The following AP1B1 variants were observed in gnomAD, a reference collection of about 807,000 sequenced individuals.
The protein encoded by AP1B1 is adaptor related protein complex 1 subunit beta 1.
AP1B1 carries 36 observed loss-of-function variants against 104.3 expected under a neutral mutation model. The observed-to-expected ratio is 0.35, with a 90% CI of 0.26 to 0.46. AP1B1 has a LOEUF of 0.46. Ranked by LOEUF, AP1B1 falls within the 20% of genes least tolerant of loss-of-function variation. The probability of loss-of-function intolerance (pLI) is 1.00; values close to 1 mark genes in which losing one functional copy is unlikely to be tolerated. For missense variants in AP1B1, 901 were observed against 1,247.9 expected, an observed-to-expected ratio of 0.72 and a Z score of 4.19; for synonymous variants, 504 against 517.5, an observed-to-expected ratio of 0.97 and a Z score of 0.35.
At chr22:29,385,466 G>A (rs1193390046) in intron 1 of AP1B1, among the ~76,000 whole-genome samples, 1 of 152,166 alleles carries the variant, frequency 6.6e-6, no homozygotes, top group Non-Finnish European at 1.5e-5. Flanking sequence ...TGAGTGTGGA[G>A]CAGGAGAGAT....
intron 3 of AP1B1, among the ~76,000 whole-genome samples, chr22:29,362,014 G>A (rs2062055130): frequency 6.6e-6 from 1 of 152,124 alleles, no homozygotes; most frequent in Non-Finnish European, 1.5e-5. Flanking sequence ...GGCTGGTCTT[G>A]AACTCCTGAC....
chr22:29,331,380 A>C (rs1602681905), intron 19 of AP1B1, 69 bp downstream of exon 19: 1 of 1,481,888 alleles, frequency 6.7e-7, no homozygotes. Context: ...TGGTAAAGGC[A>C]CCACCTTGGC....
At chr22:29,350,635 C>T (rs2061859530) in intron 9 of AP1B1, among the ~76,000 whole-genome samples, 1 of 152,056 alleles carries the variant, frequency 6.6e-6, no homozygotes, top group African/African-American at 2.4e-5. Flanking sequence ...GGGGATAGGT[C>T]GGGGGCGACC....
In AP1B1 at chr22:29,334,326, G is replaced by A. The variant is rs2061605923; in HGVS notation, c.2248C>T (p.Gln750Ter). ...ACCTGCAAGGCCTTGTTGGTCAGCT[G>A]CAGGTCCATGGAGATGGAGCCCACC... The part of the protein sequence containing the change: ...RQVGSISMDL[Q>*]LTNKALQVMT... The change falls in exon 17 of 23, where the codon CAG (glutamine) becomes TAG (stop). Residue 750 changes from glutamine to a stop codon, truncating the protein, a stop_gained. Transcript: ENST00000357586. LOFTEE classifies it high-confidence loss of function. The A allele has an allele frequency of 6.2e-7, 1 of 1,611,570 alleles. No individual in the cohort carries two copies. Among genetic ancestry groups the A allele is most frequent in the South Asian group, 1.1e-5 (1 of 90,786 alleles).
intron 7 of AP1B1, among the ~76,000 whole-genome samples, chr22:29,352,150 G>A (rs938499661): frequency 6.6e-6 from 1 of 152,178 alleles, no homozygotes; most frequent in Non-Finnish European, 1.5e-5. Context: ...GTCCCAGCCT[G>A]TGACCTCAGG....
intron 14 of AP1B1, among the ~76,000 whole-genome samples, chr22:29,340,012 C>T (rs2147952823): frequency 6.6e-6 from 1 of 152,244 alleles, no homozygotes; most frequent in East Asian, 1.9e-4. Context: ...CTTCCTGCCT[C>T]ACCCTAGCAG....
Position 29,342,411 on chromosome 22 carries a change from A to G in AP1B1, c.1438-28T>C, listed in dbSNP as rs192273339. The G allele has an allele frequency of 7.6e-6, 12 of 1,586,394 alleles. No homozygotes were observed. In the East Asian group the frequency reaches 2.0e-4, roughly 27 times the overall value. ...GCAGGGAACAGCGGTGACGAGGAGGAAGTGTGGGCCTCACATGGGGATAGA... is the reference window on the plus strand; with the variant it reads ...GCAGGGAACAGCGGTGACGAGGAGGGAGTGTGGGCCTCACATGGGGATAGA... On this transcript the variant is annotated intron_variant, in intron 11 of 22. Coordinates refer to ENST00000357586, the MANE Select transcript of AP1B1 (RefSeq NM_001127.4).
At chr22:29,337,749 C>T (rs113875251) in intron 16 of AP1B1, among the ~76,000 whole-genome samples, 109 of 152,276 alleles carry the variant, frequency 7.2e-4, no homozygotes, top group African/African-American at 2.5e-3. Flanking sequence ...CCCTCAGCCC[C>T]GGCTCCTCCC....
intron 14 of AP1B1, among the ~76,000 whole-genome samples, chr22:29,340,206 C>T (rs2061693869): frequency 2.6e-5 from 4 of 152,318 alleles, no homozygotes; most frequent in Admixed American, 6.5e-5. Context: ...CCTCTCTCCC[C>T]GGCCTCCCAT....
At chr22:29,335,159 T>G (rs1237325588) in intron 16 of AP1B1, among the ~76,000 whole-genome samples, 1 of 152,070 alleles carries the variant, frequency 6.6e-6, no homozygotes, top group Non-Finnish European at 1.5e-5. Flanking sequence ...GTGAAACCAG[T>G]GTTTGGGGAG....
intron 9 of AP1B1, among the ~76,000 whole-genome samples, chr22:29,350,737 C>T (rs111585035): frequency 0.016 from 2,425 of 152,208 alleles, 52 homozygotes; most frequent in African/African-American, 0.055. Flanking sequence ...AGAGAAAGGA[C>T]GGGGATAAAA....
At chr22:29,351,118 G>T (rs570957160) in intron 9 of AP1B1, 53 bp downstream of exon 9, 1 of 1,533,286 alleles carries the variant, frequency 6.5e-7, no homozygotes, top group East Asian at 2.3e-5. Context: ...CTGGTTTCCC[G>T]GTTTCAGCCC....
intron 1 of AP1B1, among the ~76,000 whole-genome samples, chr22:29,379,572 C>T (rs1034072527): frequency 2.0e-5 from 3 of 152,172 alleles, no homozygotes; most frequent in African/African-American, 7.2e-5. Flanking sequence ...ACACAGTAAA[C>T]AAAGGACAGT....
At chr22:29,379,402 C>T (rs143483042) in intron 1 of AP1B1, among the ~76,000 whole-genome samples, 10 of 152,190 alleles carry the variant, frequency 6.6e-5, no homozygotes, top group Admixed American at 1.3e-4. Flanking sequence ...TTAAATTAAT[C>T]GAGATGAGGA....
At chr22:29,377,897 C>A (rs537597202) in intron 1 of AP1B1, among the ~76,000 whole-genome samples, 1 of 151,808 alleles carries the variant, frequency 6.6e-6, no homozygotes, top group East Asian at 1.9e-4. Context: ...AACTGAAGTA[C>A]CAGGGAGGTC....
chr22:29,382,191 C>A (rs1156907223), intron 1 of AP1B1, among the ~76,000 whole-genome samples: 2 of 151,966 alleles, frequency 1.3e-5, no homozygotes. Context: ...GTAGCTGGGA[C>A]TACAGGCGTG....
At chr22:29,341,223 A>C (rs1212246109) in intron 13 of AP1B1, among the ~76,000 whole-genome samples, 2 of 152,250 alleles carry the variant, frequency 1.3e-5, no homozygotes, top group Non-Finnish European at 2.9e-5. Flanking sequence ...TCTGAGTCCC[A>C]GCTCTGCTAG....
intron 11 of AP1B1, among the ~76,000 whole-genome samples, chr22:29,343,917 C>A (rs2061750175): frequency 6.6e-6 from 1 of 151,976 alleles, no homozygotes; most frequent in Non-Finnish European, 1.5e-5. Flanking sequence ...TCGAGACCAG[C>A]CTGGCCAACA....
At chr22:29,362,909 G>A in intron 3 of AP1B1, 92 bp downstream of exon 3, 2 of 704,328 alleles carry the variant, frequency 2.8e-6, no homozygotes, top group Admixed American at 2.2e-5. Context: ...TGGGTCCCTA[G>A]ACACCCTAAA....
Sources: allele counts gnomAD v4.1 joint callset (sites outside exome capture counted in the v4.1 genomes callset), GRCh38; gene constraint gnomAD v4.1.1; transcripts MANE v1.5; gene names NCBI Gene and HGNC (gene_info 2026-07-23, HGNC 2026-07-21).